APOE: variants seen among roughly 807,000 people sequenced by gnomAD.
The protein encoded by APOE is apolipoprotein E.
Under a neutral mutation model 13.1 loss-of-function variants are expected in APOE, and 10 were observed. That is an observed-to-expected ratio of 0.76 (90% CI 0.47 to 1.29). APOE has a LOEUF of 1.29. Among genes scored for constraint, APOE ranks in the 50% most tolerant of loss-of-function variants. The probability of loss-of-function intolerance (pLI) is 0.00; values close to 1 mark genes in which losing one functional copy is unlikely to be tolerated. For missense variants in APOE, 471 were observed against 459.6 expected (o/e 1.02, Z -0.23); for synonymous variants, 211 against 207.1 (o/e 1.02, Z -0.16).
In APOE at chr19:44,908,528, C is replaced by A; in HGVS notation, c.237-5C>A. ...TGCGACACCCTCCCGCCCTCTCGGC[C>A]GCAGGGCGCTGATGGACGAGACCAT... is the stretch of plus-strand genomic sequence containing the variant. On this transcript the variant is annotated splice_region_variant and splice_polypyrimidine_tract_variant and intron_variant, in intron 3 of 3. Coordinates refer to ENST00000252486, the MANE Select transcript of APOE (RefSeq NM_000041.4). 1.9e-6 allele frequency: 3 copies of A among 1,613,472 alleles called. No homozygotes were observed. The highest frequency in any genetic ancestry group is 2.5e-6 in the Non-Finnish European group (3 of 1,179,566).
At position 44,907,702 on chromosome 19, in the gene APOE, C is replaced by G; in HGVS notation, c.44-58C>G. On this transcript the variant is annotated intron_variant, in intron 2 of 3. Coordinates refer to ENST00000252486, the MANE Select transcript of APOE (RefSeq NM_000041.4). The surrounding 1 kb of genome is among the most constrained non-coding windows in gnomAD (Gnocchi z 4.1). ...AGCACCTTCTGTGTGCCCCTAGGTA[C>G]TAGATGCCTGGACGGGGTCAGAAGG... 2.0e-6 allele frequency: 3 copies of G among 1,493,368 alleles called. No homozygotes were observed. The highest frequency in any genetic ancestry group is 2.7e-6 in the Non-Finnish European group (3 of 1,100,876). The allele number at this position is 1,493,368 out of a possible 1,614,324, so 92.5% of individuals were successfully genotyped here.
In APOE at chr19:44,909,227, C is replaced by G. The variant is rs759501381; in HGVS notation, c.931C>G (p.Pro311Ala). Residue 311 changes from proline to alanine, a missense_variant, in exon 4 of 4, where the codon CCT (proline) becomes GCT (alanine). Physicochemically the swap from Pro to Ala is conservative, Grantham distance 27. Transcript: ENST00000252486. ...GGCTGCCGTGGGCACCAGCGCCGCC[C>G]CTGTGCCCAGCGACAATCACTGAAC... is the stretch of plus-strand genomic sequence containing the variant. ...VQAAVGTSAA[P>A]VPSDNH is the part of the protein sequence containing the mutation. 12 of 1,597,004 alleles carry G rather than the reference C, an allele frequency of 7.5e-6. No individual in the cohort carries two copies. Among genetic ancestry groups the G allele is most frequent in the African/African-American group, 4.0e-5 (3 of 74,854 alleles).
Position 44,907,836 on chromosome 19 carries a change from C to G in APOE, c.120C>G (p.Ser40Arg). The part of the protein sequence containing the change: ...PELRQQTEWQ[S>R]GQRWELALGR... The stretch of plus-strand genomic sequence containing the variant: ...TGCGCCAGCAGACCGAGTGGCAGAG[C>G]GGCCAGCGCTGGGAACTGGCACTGG... Residue 40 changes from serine to arginine, a missense_variant, in exon 3 of 4, where the codon AGC becomes AGG. Physicochemically the swap from Ser to Arg is moderately radical, Grantham distance 110. Coordinates refer to ENST00000252486, the MANE Select transcript of APOE (RefSeq NM_000041.4). The surrounding 1 kb of genome is among the most constrained non-coding windows in gnomAD (Gnocchi z 4.1). The G allele has an allele frequency of 6.2e-7, 1 of 1,613,938 alleles. No individual in the cohort carries two copies. Among genetic ancestry groups the G allele is most frequent in the South Asian group, 1.1e-5 (1 of 91,074 alleles).
Position 44,908,903 on chromosome 19 carries a change from G to C in APOE, c.607G>C (p.Val203Leu). The change falls in exon 4 of 4, where the codon GTG becomes CTG. Residue 203 changes from valine (V) to leucine (L), a missense_variant. Physicochemically the swap from Val to Leu is conservative, Grantham distance 32. Coordinates refer to ENST00000252486, the MANE Select transcript of APOE (RefSeq NM_000041.4). ...SAIRERLGPLVEQGRVRAATV... is the reference protein window; with the variant it reads ...SAIRERLGPLLEQGRVRAATV... ...CATCCGCGAGCGCCTGGGGCCCCTG[G>C]TGGAACAGGGCCGCGTGCGGGCCGC... is the stretch of plus-strand genomic sequence containing the variant. The C allele has an allele frequency of 3.4e-6, 5 of 1,473,324 alleles. No homozygotes were observed. Among genetic ancestry groups the C allele is most frequent in the Non-Finnish European group, 4.5e-6 (5 of 1,120,736 alleles). 91.3% of individuals were successfully genotyped at this position (1,473,324 alleles called of 1,614,324 possible). A position where few individuals can be genotyped will look rare whatever the true frequency, so the allele number is the denominator to read the frequency against.
At chr19:44,906,696 C>CCCGCT in intron 2 of APOE, 29 bp downstream of exon 2, 1 of 1,609,408 alleles carries the variant, frequency 6.2e-7, no homozygotes, top group Non-Finnish European at 8.5e-7. Flanking sequence ...CTCGGTTCCC[C>CCCGCT]CCGCTCCTCC....
rs1332509626 is a variant in APOE at position 44,908,856 on chromosome 19, G to C, written c.560G>C (p.Gly187Ala). 1 of 1,523,088 alleles carries C rather than the reference G, an allele frequency of 6.6e-7. No homozygotes were observed. The highest frequency in any genetic ancestry group is 8.8e-7 in the Non-Finnish European group (1 of 1,140,116). 94.3% of individuals were successfully genotyped at this position (1,523,088 alleles called of 1,614,324 possible). ...GTGTACCAGGCCGGGGCCCGCGAGG[G>C]CGCCGAGCGCGGCCTCAGCGCCATC... ...LAVYQAGARE[G>A]AERGLSAIRE... Residue 187 changes from glycine to alanine, a missense_variant, in exon 4 of 4, where the codon GGC (glycine) becomes GCC (alanine). Physicochemically the swap from Gly to Ala is moderately conservative, Grantham distance 60. Coordinates refer to ENST00000252486, the MANE Select transcript of APOE (RefSeq NM_000041.4).
intron 2 of APOE, chr19:44,906,920 G>C (rs1280807636): frequency 3.7e-6 from 2 of 539,968 alleles, no homozygotes; most frequent in African/African-American, 3.8e-5. Flanking sequence ...TCGCTCTGTC[G>C]CCCAGGCTGG....
At chr19:44,905,937 A>G (rs2122126517) in intron 1 of APOE, 96 bp downstream of exon 1, 2 of 1,294,048 alleles carry the variant, frequency 1.5e-6, no homozygotes, top group East Asian at 5.8e-5. Flanking sequence ...GTCTCAGGAG[A>G]GCTACTCGGG....
In APOE at chr19:44,908,975, G is replaced by T. The variant is rs1360151558; in HGVS notation, c.679G>T (p.Ala227Ser). ...AGQPLQERAQ[A>S]WGERLRARME... Reference sequence around the variant, plus strand: ...CCAGCCGCTACAGGAGCGGGCCCAGGCCTGGGGCGAGCGGCTGCGCGCGCG... The same window carrying T: ...CCAGCCGCTACAGGAGCGGGCCCAGTCCTGGGGCGAGCGGCTGCGCGCGCG... Residue 227 changes from alanine to serine, a missense_variant, in exon 4 of 4, where the codon GCC becomes TCC. Coordinates refer to ENST00000252486, the MANE Select transcript of APOE (RefSeq NM_000041.4). 3.3e-6 allele frequency: 5 copies of T among 1,531,508 alleles called. No homozygotes were observed. In the South Asian group the frequency reaches 6.0e-5, roughly 18 times the overall value. 94.9% of individuals were successfully genotyped at this position (1,531,508 alleles called of 1,614,324 possible). A position where few individuals can be genotyped will look rare whatever the true frequency, so the allele number is the denominator to read the frequency against.
At position 44,907,540 on chromosome 19, in the gene APOE, T is replaced by A. The variant is rs1344274282; in HGVS notation, c.44-220T>A. Among the ~76,000 whole-genome samples the A allele has an allele frequency of 2.0e-5, 3 of 152,206 alleles. No homozygotes were observed. Among genetic ancestry groups the A allele is most frequent in the Non-Finnish European group, 4.4e-5 (3 of 68,040 alleles). On this transcript the variant is annotated intron_variant, in intron 2 of 3. Transcript: ENST00000252486. This position sits in a 1 kb window ranked among gnomAD's most constrained non-coding sequence, Gnocchi z 4.1. ...TGAGCCCAGAAGGTCAAGGTTGCAGTGAACCATGTTCAGGCCGCTGCACTC... is the reference window on the plus strand; with the variant it reads ...TGAGCCCAGAAGGTCAAGGTTGCAGAGAACCATGTTCAGGCCGCTGCACTC...
Position 44,909,334 on chromosome 19 carries a change from G to A in APOE, c.*84G>A, listed in dbSNP as rs1242655777. On this transcript the variant is annotated 3_prime_UTR_variant, in exon 4 of 4. Transcript: ENST00000252486. The stretch of plus-strand genomic sequence containing the variant: ...GCCTGCAGCGGGAGACCCTGTCCCC[G>A]CCCCAGCCGTCCTCCTGGGGTGGAC... 4 of 1,322,488 alleles carry A rather than the reference G, an allele frequency of 3.0e-6. No individual in the cohort carries two copies. Among genetic ancestry groups the A allele is most frequent in the East Asian group, 2.3e-5 (1 of 42,612 alleles). The allele number at this position is 1,322,488 out of a possible 1,614,324, so 81.9% of individuals were successfully genotyped here.
intron 3 of APOE, 72 bp downstream of exon 3, chr19:44,908,024 T>C (rs1191306375): frequency 6.8e-7 from 1 of 1,471,362 alleles, no homozygotes; most frequent in Non-Finnish European, 9.3e-7. Flanking sequence ...GGTTTCATTC[T>C]GCCCCTGTCG....
intron 3 of APOE, among the ~76,000 whole-genome samples, 175 bp downstream of exon 3, chr19:44,908,127 G>T (rs1969845169): frequency 6.6e-6 from 1 of 152,076 alleles, no homozygotes; most frequent in Non-Finnish European, 1.5e-5. Flanking sequence ...CTCTCTCTCA[G>T]CTTTGTCTCT....
intron 2 of APOE, chr19:44,906,942 G>T: frequency 2.0e-6 from 1 of 492,612 alleles, no homozygotes. Flanking sequence ...GTGCAGTGGC[G>T]GGATCTCGGC....
chr19:44,905,928 T>A (rs1275263353), intron 1 of APOE, 87 bp downstream of exon 1: 1 of 1,295,164 alleles, frequency 7.7e-7, no homozygotes, highest in African/African-American at 1.5e-5. Flanking sequence ...CTCCAGGTAG[T>A]CTCAGGAGAG....
At position 44,906,816 on chromosome 19, in the gene APOE, T is replaced by A. The variant is rs1969817619; in HGVS notation, c.43+149T>A. The A allele has an allele frequency of 1.1e-5, 8 of 713,906 alleles. No individual in the cohort carries two copies. The Admixed American group carries it at 1.8e-4, about 16-fold the overall frequency. The allele number at this position is 713,906 out of a possible 1,614,324, so 44.2% of individuals were successfully genotyped here. On this transcript the variant is annotated intron_variant, in intron 2 of 3. Coordinates refer to ENST00000252486, the MANE Select transcript of APOE (RefSeq NM_000041.4). Reference sequence around the variant, plus strand: ...CTCTGAACAGCGATTTGACGCTCTCTGGGCCTCGGTTTCCCCCATCCTTGA... The same window carrying A: ...CTCTGAACAGCGATTTGACGCTCTCAGGGCCTCGGTTTCCCCCATCCTTGA...
rs756130353 is a variant in APOE at position 44,908,614 on chromosome 19, G to A, written c.318G>A (p.Glu106=). The change falls in exon 4 of 4, where the codon GAG becomes GAA. Residue 106 remains glutamate, a synonymous_variant. Transcript: ENST00000252486. ...AACAACTGACCCCGGTGGCGGAGGA[G>A]ACGCGGGCACGGCTGTCCAAGGAGC... ...LEEQLTPVAE[E]TRARLSKELQ... is the part of the protein sequence containing the mutation. The A allele has an allele frequency of 6.2e-6, 10 of 1,611,156 alleles. No individual in the cohort carries two copies. The highest frequency in any genetic ancestry group is 7.6e-6 in the Non-Finnish European group (9 of 1,178,558).
rs748506927 is a variant in APOE at position 44,908,875 on chromosome 19, C to T, written c.579C>T (p.Ser193=). The T allele has an allele frequency of 6.7e-7, 1 of 1,498,286 alleles. No individual in the cohort carries two copies. The highest frequency in any genetic ancestry group is 8.8e-7 in the Non-Finnish European group (1 of 1,130,444). 92.8% of individuals were successfully genotyped at this position (1,498,286 alleles called of 1,614,324 possible). A position where few individuals can be genotyped will look rare whatever the true frequency, so the allele number is the denominator to read the frequency against. ...GCGAGGGCGCCGAGCGCGGCCTCAG[C>T]GCCATCCGCGAGCGCCTGGGGCCCC... ...GAREGAERGL[S]AIRERLGPLV... The change falls in exon 4 of 4, where the codon AGC becomes AGT. Residue 193 remains serine, a synonymous_variant. Coordinates refer to ENST00000252486, the MANE Select transcript of APOE (RefSeq NM_000041.4).
Position 44,908,780 on chromosome 19 carries a change from C to A in APOE, c.484C>A (p.Leu162Met), listed in dbSNP as rs1377830202. 24 of 1,558,794 alleles carry A rather than the reference C, an allele frequency of 1.5e-5. No individual in the cohort carries two copies. Among genetic ancestry groups the A allele is most frequent in the Non-Finnish European group, 2.1e-5 (24 of 1,154,584 alleles). Residue 162 changes from leucine (L) to methionine (M), a missense_variant, in exon 4 of 4, where the codon CTG becomes ATG. By Grantham distance (15) the Leu-to-Met change is conservative. Coordinates refer to ENST00000252486, the MANE Select transcript of APOE (RefSeq NM_000041.4). ...RVRLASHLRK[L>M]RKRLLRDADD... ...GCGCCTCGCCTCCCACCTGCGCAAG[C>A]TGCGTAAGCGGCTCCTCCGCGATGC... is the stretch of plus-strand genomic sequence containing the variant.
Sources: gnomAD v4.1 joint callset for allele counts (sites outside exome capture counted in the v4.1 genomes callset) on GRCh38, gnomAD v4.1.1 for gene constraint, Gnocchi (gnomAD v3.1) non-coding constraint, MANE v1.5 for transcripts, NCBI Gene and HGNC (gene_info 2026-07-23, HGNC 2026-07-21) for gene names.